The following SH3RF3 variants were observed in gnomAD, a reference collection of about 807,000 sequenced individuals.
SH3RF3 encodes SH3 domain containing ring finger 3.
A neutral mutation model predicts 66.3 loss-of-function variants in SH3RF3; 29 were observed. The ratio of observed to expected loss-of-function variants is 0.44; its 90% confidence interval spans 0.33 to 0.60. The LOEUF (loss-of-function observed/expected upper bound fraction) is 0.60, where lower values mean the gene tolerates loss of function less well. Among genes scored for constraint, SH3RF3 ranks in the 20% least tolerant of loss-of-function variants. The pLI is 0.04. For missense variants in SH3RF3, 1,194 were observed against 1,190.9 expected (o/e 1.00, Z -0.04); for synonymous variants, 583 against 532.0 (o/e 1.10, Z -1.32).
rs1187179670 is a variant in SH3RF3 at position 109,379,884 on chromosome 2, G to T, written c.945+8203G>T. 4.6e-5 allele frequency among the ~76,000 whole-genome samples: 7 copies of T among 152,202 alleles called. No homozygotes were observed. In the East Asian group the frequency reaches 1.3e-3, roughly 29 times the overall value. On this transcript the variant is annotated intron_variant, in intron 3 of 9. Coordinates refer to ENST00000309415, the MANE Select transcript of SH3RF3 (RefSeq NM_001099289.3). ...GGCGTGTCTCCTGGAGTGTGATGTT[G>T]TGTCTATGTCTGAACAGAGTGGTCC...
chr2:109,485,632 A>G (rs1678948360), intron 8 of SH3RF3, among the ~76,000 whole-genome samples: 1 of 152,270 alleles, frequency 6.6e-6, no homozygotes, highest in Non-Finnish European at 1.5e-5. Context: ...AAACGCCTTC[A>G]AAATTCTCCT....
intron 1 of SH3RF3, among the ~76,000 whole-genome samples, chr2:109,258,550 C>T (rs1297220682): frequency 6.6e-6 from 1 of 152,138 alleles, no homozygotes; most frequent in East Asian, 1.9e-4. Flanking sequence ...GTGGTGCCAC[C>T]AATCCTTGTC....
intron 2 of SH3RF3, among the ~76,000 whole-genome samples, chr2:109,349,911 T>C (rs934363638): frequency 1.3e-5 from 2 of 152,256 alleles, no homozygotes; most frequent in Non-Finnish European, 2.9e-5. Flanking sequence ...CCTGCCCATT[T>C]ATTCCACAGA....
intron 1 of SH3RF3, among the ~76,000 whole-genome samples, chr2:109,307,179 T>A (rs1426338517): frequency 6.6e-6 from 1 of 152,254 alleles, no homozygotes; most frequent in East Asian, 1.9e-4. Context: ...CACATTTAGT[T>A]TCCACTGCTG....
At chr2:109,159,267 C>G (rs1033905864) in intron 1 of SH3RF3, among the ~76,000 whole-genome samples, 1 of 152,204 alleles carries the variant, frequency 6.6e-6, no homozygotes, top group Non-Finnish European at 1.5e-5. Context: ...TGGGCTCTAT[C>G]CCGGCGCAGC....
At chr2:109,493,863 C>A (rs551629661) in intron 9 of SH3RF3, among the ~76,000 whole-genome samples, 20 of 152,136 alleles carry the variant, frequency 1.3e-4, no homozygotes, top group Non-Finnish European at 2.2e-4. Context: ...AACACATATT[C>A]AGACACACAA....
intron 1 of SH3RF3, among the ~76,000 whole-genome samples, chr2:109,301,536 G>A (rs369372564): frequency 6.6e-6 from 1 of 152,098 alleles, no homozygotes; most frequent in East Asian, 1.9e-4. Context: ...AGGACACCAG[G>A]GTGCCCAGAG....
chr2:109,412,524 C>A (rs149949296), intron 4 of SH3RF3, among the ~76,000 whole-genome samples: 3 of 152,372 alleles, frequency 2.0e-5, no homozygotes, highest in African/African-American at 7.2e-5. Context: ...CCCGCTGCTG[C>A]AGAGCAGAGT....
intron 2 of SH3RF3, among the ~76,000 whole-genome samples, chr2:109,353,461 AC>A (rs1431172389): frequency 1.3e-5 from 2 of 152,164 alleles, no homozygotes; most frequent in Non-Finnish European, 2.9e-5. Flanking sequence ...TAGTCACGTG[AC>A]ACCGCCTGCC....
intron 1 of SH3RF3, among the ~76,000 whole-genome samples, chr2:109,252,939 G>A (rs1680129127): frequency 1.3e-5 from 2 of 152,194 alleles, no homozygotes; most frequent in Admixed American, 1.3e-4. Flanking sequence ...GGGACTGACT[G>A]TAGTCAATCA....
intron 1 of SH3RF3, among the ~76,000 whole-genome samples, chr2:109,303,482 A>C (rs1323128606): frequency 6.6e-6 from 1 of 152,226 alleles, no homozygotes; most frequent in Non-Finnish European, 1.5e-5. Context: ...AAACTTTTTA[A>C]GTGAAAATAT....
chr2:109,295,457 G>T (rs1203815970), intron 1 of SH3RF3, among the ~76,000 whole-genome samples: 1 of 152,250 alleles, frequency 6.6e-6, no homozygotes, highest in South Asian at 2.1e-4. Flanking sequence ...GCAGGGCAGG[G>T]AGAGGACCCT....
intron 8 of SH3RF3, among the ~76,000 whole-genome samples, chr2:109,486,570 CGCTCCTATA>C (rs1171950387): frequency 1.3e-5 from 2 of 152,182 alleles, no homozygotes; most frequent in Non-Finnish European, 2.9e-5. Context: ...CCTTTAAAAG[CGCTCCTATA>C]GCTGTCATCT....
intron 1 of SH3RF3, among the ~76,000 whole-genome samples, chr2:109,295,113 T>C (rs1416165172): frequency 6.6e-6 from 1 of 152,232 alleles, no homozygotes; most frequent in East Asian, 1.9e-4. Flanking sequence ...GAGTATCTCA[T>C]CCAGTGGCAT....
At chr2:109,193,512 G>A (rs1296167992) in intron 1 of SH3RF3, among the ~76,000 whole-genome samples, 4 of 152,118 alleles carry the variant, frequency 2.6e-5, no homozygotes, top group Admixed American at 6.5e-5. Context: ...TACAGTTTGC[G>A]GCCTTTTTAT....
At chr2:109,196,188 A>G (rs568779781) in intron 1 of SH3RF3, among the ~76,000 whole-genome samples, 4 of 152,288 alleles carry the variant, frequency 2.6e-5, no homozygotes, top group African/African-American at 9.6e-5. Flanking sequence ...TGCAGCCTGG[A>G]GGCCTTGTCC....
chr2:109,472,172 G>A (rs1258502454), intron 8 of SH3RF3, among the ~76,000 whole-genome samples: 1 of 152,224 alleles, frequency 6.6e-6, no homozygotes, highest in Admixed American at 6.5e-5. Flanking sequence ...GCTCCTTATA[G>A]AAATGTAGGA....
chr2:109,362,552 G>A (rs958417803), intron 2 of SH3RF3, among the ~76,000 whole-genome samples: 1 of 152,178 alleles, frequency 6.6e-6, no homozygotes, highest in Non-Finnish European at 1.5e-5. Context: ...TGTTGGTTGA[G>A]ATATTATGTG....
chr2:109,309,015 A>G (rs1681664526), intron 1 of SH3RF3, among the ~76,000 whole-genome samples: 6 of 81,964 alleles, frequency 7.3e-5, no homozygotes, highest in Non-Finnish European at 1.2e-4. Context: ...TACCTTGGGC[A>G]GTATGGCCAT....
Sources: gnomAD v4.1 joint callset for allele counts (sites outside exome capture counted in the v4.1 genomes callset) on GRCh38, gnomAD v4.1.1 for gene constraint, MANE v1.5 for transcripts, NCBI Gene and HGNC (gene_info 2026-07-23, HGNC 2026-07-21) for gene names.